The following PPP1R9A variants were observed in gnomAD, a reference collection of about 807,000 sequenced individuals.
The protein encoded by PPP1R9A is protein phosphatase 1 regulatory subunit 9A.
PPP1R9A carries 59 observed loss-of-function variants against 141.9 expected under a neutral mutation model. That is an observed-to-expected ratio of 0.42 (90% confidence interval 0.34 to 0.52). PPP1R9A has a LOEUF of 0.52. PPP1R9A is among the 20% of genes least tolerant of loss of function. The pLI, the probability that PPP1R9A is intolerant of heterozygous loss-of-function variation, is 0.10. For synonymous variants in PPP1R9A, 500 were observed against 569.7 expected, an observed-to-expected ratio of 0.88 and a Z score of 1.74; for missense variants, 1,444 against 1,611.9, an observed-to-expected ratio of 0.90 and a Z score of 1.78.
chr7:95,071,364 T>A (rs1217493528), intron 2 of PPP1R9A, among the ~76,000 whole-genome samples: 1 of 152,004 alleles, frequency 6.6e-6, no homozygotes, highest in Non-Finnish European at 1.5e-5. Context: ...ATTGAGGCCA[T>A]GTAATACAGA....
intron 2 of PPP1R9A, among the ~76,000 whole-genome samples, chr7:95,050,234 C>CGT (rs1810604005): frequency 6.6e-6 from 1 of 152,178 alleles, no homozygotes; most frequent in South Asian, 2.1e-4. Context: ...TCCCTAATGA[C>CGT]ATATGTGGAG....
intron 3 of PPP1R9A, among the ~76,000 whole-genome samples, 156 bp from the exon 4 acceptor site, chr7:95,120,556 C>T (rs1446403698): frequency 6.6e-6 from 1 of 152,154 alleles, no homozygotes; most frequent in Non-Finnish European, 1.5e-5. Flanking sequence ...ACCCTTACTG[C>T]GTAGCTTAGA....
chr7:95,127,096 T>C (rs1327034728), intron 4 of PPP1R9A, among the ~76,000 whole-genome samples: 1 of 152,192 alleles, frequency 6.6e-6, no homozygotes, highest in South Asian at 2.1e-4. Context: ...AAGCCCGTTA[T>C]ATAGCAAACT....
intron 2 of PPP1R9A, among the ~76,000 whole-genome samples, chr7:95,088,233 A>G (rs1816890684): frequency 2.0e-5 from 3 of 151,972 alleles, no homozygotes; most frequent in Admixed American, 2.0e-4. Flanking sequence ...AGTCAATATA[A>G]TTTATCAATG....
chr7:95,034,366 C>T (rs557686489), intron 2 of PPP1R9A, among the ~76,000 whole-genome samples: 154 of 152,142 alleles, frequency 1.0e-3, no homozygotes, highest in African/African-American at 3.6e-3. Flanking sequence ...AATACAATAG[C>T]ATTTATTCTA....
At chr7:95,233,376 G>A (rs1359547702) in intron 8 of PPP1R9A, among the ~76,000 whole-genome samples, 1 of 152,004 alleles carries the variant, frequency 6.6e-6, no homozygotes, top group Non-Finnish European at 1.5e-5. Flanking sequence ...TCAGGGGGTG[G>A]GGGGCAAGGG....
At chr7:95,220,612 C>T (rs1436620541) in intron 7 of PPP1R9A, among the ~76,000 whole-genome samples, 3 of 152,062 alleles carry the variant, frequency 2.0e-5, no homozygotes, top group Non-Finnish European at 2.9e-5. Context: ...TGAATTTATT[C>T]AGCAAACATT....
intron 2 of PPP1R9A, among the ~76,000 whole-genome samples, chr7:95,027,704 G>A (rs900526097): frequency 6.6e-6 from 1 of 152,184 alleles, no homozygotes; most frequent in Non-Finnish European, 1.5e-5. Flanking sequence ...ATATGGTTTA[G>A]TCTATTGCTC....
chr7:95,126,782 G>GT (rs1367444494), intron 4 of PPP1R9A, among the ~76,000 whole-genome samples: 1 of 152,122 alleles, frequency 6.6e-6, no homozygotes, highest in African/African-American at 2.4e-5. Flanking sequence ...CTGTGAGGTT[G>GT]CATCTAAAAG....
At chr7:95,216,429 G>A (rs1205760058) in intron 7 of PPP1R9A, among the ~76,000 whole-genome samples, 1 of 152,130 alleles carries the variant, frequency 6.6e-6, no homozygotes, top group Non-Finnish European at 1.5e-5. Flanking sequence ...TTTTGGCTTA[G>A]GATTGTCTTG....
At position 95,252,102 on chromosome 7, in the gene PPP1R9A, G is replaced by A. The variant is rs567698633; in HGVS notation, c.2637G>A (p.Gln879=). 104 of 1,602,514 alleles carry A rather than the reference G, an allele frequency of 6.5e-5. 1 individual carries two copies. The South Asian group carries it at 1.2e-3, about 18-fold the overall frequency. ...GDTMENLDGK[Q]TSCQDGLSQD... ...CCATGGAGAACTTGGATGGCAAGCAGACATCTTGCCAAGATGGCCTAAGTC... is the reference window on the plus strand; with the variant it reads ...CCATGGAGAACTTGGATGGCAAGCAAACATCTTGCCAAGATGGCCTAAGTC... The change falls in exon 12 of 20, where the codon CAG becomes CAA. Residue 879 remains glutamine, a synonymous_variant. Coordinates refer to ENST00000433360, the MANE Select transcript of PPP1R9A (RefSeq NM_001166160.2).
At chr7:95,247,314 G>A (rs1321691646) in intron 8 of PPP1R9A, among the ~76,000 whole-genome samples, 159 bp from the exon 9 acceptor site, 2 of 152,204 alleles carry the variant, frequency 1.3e-5, no homozygotes, top group African/African-American at 4.8e-5. Context: ...TGCACCCAGT[G>A]TCATTTCACA....
intron 2 of PPP1R9A, among the ~76,000 whole-genome samples, chr7:95,019,187 G>A (rs1805534045): frequency 6.6e-6 from 1 of 152,186 alleles, no homozygotes; most frequent in Admixed American, 6.5e-5. Context: ...TTGAGGTTAG[G>A]AGTTCGAGAC....
intron 2 of PPP1R9A, among the ~76,000 whole-genome samples, chr7:95,064,736 T>G (rs1373348881): frequency 6.6e-6 from 1 of 152,302 alleles, no homozygotes; most frequent in Non-Finnish European, 1.5e-5. Context: ...TAATGAGAAT[T>G]GACTACAAGT....
At chr7:95,207,090 C>T (rs969811130) in intron 7 of PPP1R9A, among the ~76,000 whole-genome samples, 3 of 151,652 alleles carry the variant, frequency 2.0e-5, no homozygotes, top group Admixed American at 1.3e-4. Context: ...TTTCCTTGGG[C>T]GTTCATCTTT....
At chr7:95,030,533 A>G (rs947565155) in intron 2 of PPP1R9A, among the ~76,000 whole-genome samples, 1 of 152,110 alleles carries the variant, frequency 6.6e-6, no homozygotes, top group African/African-American at 2.4e-5. Flanking sequence ...AGATCAGGGA[A>G]AGAGACTGAC....
intron 2 of PPP1R9A, among the ~76,000 whole-genome samples, chr7:94,937,288 T>C (rs538640919): frequency 7.5e-4 from 114 of 152,226 alleles, no homozygotes; most frequent in South Asian, 2.3e-3. Context: ...GAACCATATT[T>C]TATTGAAAGT....
intron 6 of PPP1R9A, chr7:95,202,698 C>G (rs1379613272): frequency 8.9e-6 from 4 of 450,266 alleles, no homozygotes; most frequent in Non-Finnish European, 1.2e-5. Flanking sequence ...TCATACTCCA[C>G]CACTATCAGT....
At chr7:94,959,219 A>G (rs995335723) in intron 2 of PPP1R9A, among the ~76,000 whole-genome samples, 2 of 151,914 alleles carry the variant, frequency 1.3e-5, no homozygotes, top group Non-Finnish European at 2.9e-5. Flanking sequence ...TTCAGATTCT[A>G]TAAAAGAAAT....
Sources: allele counts gnomAD v4.1 joint callset (sites outside exome capture counted in the v4.1 genomes callset), GRCh38; gene constraint gnomAD v4.1.1; transcripts MANE v1.5; gene names NCBI Gene and HGNC (gene_info 2026-07-23, HGNC 2026-07-21).